SLC24A3: variants seen among roughly 807,000 people sequenced by gnomAD.
The protein encoded by SLC24A3 is solute carrier family 24 member 3.
Under a neutral mutation model 75.8 loss-of-function variants are expected in SLC24A3, and 28 were observed. The ratio of observed to expected loss-of-function variants is 0.37; its 90% confidence interval spans 0.27 to 0.51. SLC24A3 has a LOEUF of 0.51. SLC24A3 is among the 20% of genes least tolerant of loss of function. The pLI is 0.94. For synonymous variants in SLC24A3, 372 were observed against 334.1 expected (o/e 1.11, Z -1.24); for missense variants, 663 against 847.8 (o/e 0.78, Z 2.71).
chr20:19,639,630 G>C (rs947837074), intron 6 of SLC24A3, among the ~76,000 whole-genome samples: 2 of 152,244 alleles, frequency 1.3e-5, no homozygotes, highest in African/African-American at 2.4e-5. Flanking sequence ...CTGTGCAGCC[G>C]CACTCCTCAG....
chr20:19,350,377 C>T (rs1206116699), intron 2 of SLC24A3, among the ~76,000 whole-genome samples: 1 of 152,110 alleles, frequency 6.6e-6, no homozygotes, highest in Admixed American at 6.5e-5. Context: ...CATTCTTCTC[C>T]TTCCTTTTCT....
intron 2 of SLC24A3, among the ~76,000 whole-genome samples, chr20:19,365,100 C>T (rs1985864293): frequency 6.6e-6 from 1 of 152,226 alleles, no homozygotes; most frequent in South Asian, 2.1e-4. Context: ...GGATGCTCTC[C>T]CATGAGGCCT....
intron 6 of SLC24A3, among the ~76,000 whole-genome samples, chr20:19,617,160 A>G (rs2031746871): frequency 6.6e-6 from 1 of 152,256 alleles, no homozygotes; most frequent in African/African-American, 2.4e-5. Context: ...ATCTGACTTC[A>G]TAGGGCTCCT....
chr20:19,242,613 C>T (rs1003861695), intron 1 of SLC24A3: 2 of 152,114 alleles, frequency 1.3e-5, no homozygotes, highest in Non-Finnish European at 1.5e-5. Flanking sequence ...TTAATCATGA[C>T]CTTCCTACAG....
chr20:19,539,131 C>T (rs2122585241), intron 3 of SLC24A3, among the ~76,000 whole-genome samples: 1 of 142,016 alleles, frequency 7.0e-6, no homozygotes, highest in South Asian at 2.1e-4. Flanking sequence ...GTGATAGTTA[C>T]ATTCTGTTGT....
At chr20:19,367,969 G>C (rs1305102408) in intron 2 of SLC24A3, among the ~76,000 whole-genome samples, 1 of 152,196 alleles carries the variant, frequency 6.6e-6, no homozygotes, top group Non-Finnish European at 1.5e-5. Context: ...TTAGCAGAGA[G>C]CATAATCTAT....
chr20:19,408,390 C>CTT (rs1219522685), intron 2 of SLC24A3, among the ~76,000 whole-genome samples: 28 of 137,066 alleles, frequency 2.0e-4, no homozygotes, highest in African/African-American at 2.4e-4. Flanking sequence ...ATTAAAAATA[C>CTT]TTTTTTTTTT....
intron 6 of SLC24A3, among the ~76,000 whole-genome samples, chr20:19,633,533 C>T (rs2031962469): frequency 6.6e-6 from 1 of 150,560 alleles, no homozygotes; most frequent in South Asian, 2.1e-4. Context: ...CCTGTAGTCC[C>T]AGCTACTTGG....
chr20:19,546,179 A>AAAAAAAAAAAAAAAAAAAAC (rs765227499), intron 3 of SLC24A3, among the ~76,000 whole-genome samples: 18 of 147,576 alleles, frequency 1.2e-4, no homozygotes, highest in Non-Finnish European at 2.4e-4. Flanking sequence ...AAAAAAAAAA[A>AAAAAAAAAAAAAAAAAAAAC]AAAAAAAAAC....
intron 2 of SLC24A3, among the ~76,000 whole-genome samples, chr20:19,354,497 C>T (rs1985636928): frequency 6.6e-6 from 1 of 152,034 alleles, no homozygotes; most frequent in Non-Finnish European, 1.5e-5. Context: ...AATTATACCT[C>T]AATAAAATTC....
chr20:19,312,563 CT>C (rs1984485983), intron 2 of SLC24A3, among the ~76,000 whole-genome samples: 2 of 152,196 alleles, frequency 1.3e-5, no homozygotes, highest in South Asian at 4.1e-4. Flanking sequence ...AGGTGGGATT[CT>C]TCATGATCTC....
In SLC24A3 at chr20:19,709,346, G is replaced by A. The variant is rs113740300; in HGVS notation, c.1720-8182G>A. ...CCAAAATAGCACCTCAGGGAGATGG[G>A]GGGATGTGGGTGAGTACTGCTGGCA... is the stretch of plus-strand genomic sequence containing the variant. On this transcript the variant is annotated intron_variant, in intron 15 of 16. Transcript: ENST00000328041. Among the ~76,000 whole-genome samples, 639 of 152,298 alleles carry A rather than the reference G, an allele frequency of 4.2e-3. 2 individuals are homozygous for A. Among genetic ancestry groups the A allele is most frequent in the Middle Eastern group, 0.027 (8 of 294 alleles).
chr20:19,367,827 G>A (rs1051822217), intron 2 of SLC24A3, among the ~76,000 whole-genome samples: 6 of 152,172 alleles, frequency 3.9e-5, no homozygotes, highest in African/African-American at 9.7e-5. Flanking sequence ...TGCATTGGCC[G>A]TGTTTGTCTG....
chr20:19,541,701 C>G (rs995181505), intron 3 of SLC24A3, among the ~76,000 whole-genome samples: 1 of 152,226 alleles, frequency 6.6e-6, no homozygotes, highest in Admixed American at 6.5e-5. Flanking sequence ...ATAAAAATCC[C>G]ACCTGAGATT....
chr20:19,227,047 T>C (rs1981888798), intron 1 of SLC24A3, among the ~76,000 whole-genome samples: 1 of 152,220 alleles, frequency 6.6e-6, no homozygotes, highest in South Asian at 2.1e-4. Flanking sequence ...TCACACGTAC[T>C]ATCATGTAAC....
At chr20:19,361,786 A>C (rs1453087980) in intron 2 of SLC24A3, among the ~76,000 whole-genome samples, 1 of 152,206 alleles carries the variant, frequency 6.6e-6, no homozygotes, top group Non-Finnish European at 1.5e-5. Context: ...TTTGTGAAAA[A>C]ACAAGTATTT....
intron 2 of SLC24A3, among the ~76,000 whole-genome samples, chr20:19,419,163 A>G (rs77993883): frequency 0.021 from 3,272 of 152,302 alleles, 141 homozygotes; most frequent in African/African-American, 0.074. Flanking sequence ...CAAAGAAGGA[A>G]GGAAAACAAA....
At chr20:19,222,716 ATCCTTCCT>A (rs138059938) in intron 1 of SLC24A3, among the ~76,000 whole-genome samples, 2 of 150,798 alleles carry the variant, frequency 1.3e-5, no homozygotes, top group African/African-American at 2.4e-5. Context: ...AAATTATTTA[ATCCTTCCT>A]TCCTTCCTTC....
At chr20:19,650,203 G>T (rs1164049387) in intron 6 of SLC24A3, among the ~76,000 whole-genome samples, 1 of 152,124 alleles carries the variant, frequency 6.6e-6, no homozygotes, top group African/African-American at 2.4e-5. Context: ...CTAAGGGTAG[G>T]CTCTGAATAT....
Sources: gnomAD v4.1 joint callset for allele counts (sites outside exome capture counted in the v4.1 genomes callset) on GRCh38, gnomAD v4.1.1 for gene constraint, MANE v1.5 for transcripts, NCBI Gene and HGNC (gene_info 2026-07-23, HGNC 2026-07-21) for gene names.